The following KCNIP4 variants were observed in gnomAD, a reference collection of about 807,000 sequenced individuals.
The protein encoded by KCNIP4 is potassium voltage-gated channel interacting protein 4, also known as Kv channel-interacting protein 4.
In KCNIP4, 12 loss-of-function variants were observed where a neutral mutation model predicts 34.0. The ratio of observed to expected loss-of-function variants is 0.35; its 90% CI spans 0.23 to 0.57. KCNIP4 has a LOEUF of 0.57. KCNIP4 is among the 20% of genes least tolerant of loss of function. The probability of loss-of-function intolerance (pLI) is 0.83; values close to 1 mark genes in which losing one functional copy is unlikely to be tolerated. For missense variants in KCNIP4, 238 were observed against 311.7 expected (o/e 0.76, Z 1.78); for synonymous variants, 124 against 102.2 (o/e 1.21, Z -1.29).
chr4:21,076,125 C>G (rs1054785166), intron 1 of KCNIP4, among the ~76,000 whole-genome samples: 5 of 152,076 alleles, frequency 3.3e-5, no homozygotes, highest in African/African-American at 1.2e-4. Context: ...CTTGGAGTTG[C>G]TCTTCTCGAG....
chr4:20,850,418 G>T (rs542421418), intron 3 of KCNIP4, 125 bp downstream of exon 3: 452 of 979,914 alleles, frequency 4.6e-4, no homozygotes, highest in Non-Finnish European at 4.9e-4. Context: ...TATCTGGGAA[G>T]GATCAGTATG....
intron 1 of KCNIP4, among the ~76,000 whole-genome samples, chr4:21,204,152 A>AT (rs1231865842): frequency 6.8e-6 from 1 of 148,036 alleles, no homozygotes; most frequent in Non-Finnish European, 1.5e-5. Flanking sequence ...ATATACTTCT[A>AT]TTTTGTATTT....
intron 1 of KCNIP4, among the ~76,000 whole-genome samples, chr4:21,639,667 T>TA (rs1295318963): frequency 6.6e-6 from 1 of 152,178 alleles, no homozygotes; most frequent in Non-Finnish European, 1.5e-5. Context: ...TGAAAACTTT[T>TA]AAAAATATTG....
intron 1 of KCNIP4, among the ~76,000 whole-genome samples, chr4:21,105,781 A>G (rs1447481676): frequency 6.6e-6 from 1 of 151,474 alleles, no homozygotes; most frequent in East Asian, 1.9e-4. Context: ...TCAATACCTA[A>G]TTTATTGAGA....
At position 20,774,115 on chromosome 4, in the gene KCNIP4, A is replaced by C. The variant is rs1243783585; in HGVS notation, c.289-15225T>G. Among the ~76,000 whole-genome samples, 2 of 152,338 alleles carry C rather than the reference A, an allele frequency of 1.3e-5. 1 individual carries two copies. Among genetic ancestry groups the C allele is most frequent in the East Asian group, 3.9e-4 (2 of 5,182 alleles). ...TATGAGGCTTAAATAAAGATAACCC[A>C]TGCACAATGTCTAGCGTCGTGCCTG... On this transcript the variant is annotated intron_variant, in intron 3 of 8. Coordinates refer to ENST00000382152, the MANE Select transcript of KCNIP4 (RefSeq NM_025221.6).
At chr4:21,559,811 C>T (rs913109868) in intron 1 of KCNIP4, among the ~76,000 whole-genome samples, 2 of 152,098 alleles carry the variant, frequency 1.3e-5, no homozygotes, top group Non-Finnish European at 2.9e-5. Flanking sequence ...GGAACTAAAA[C>T]TCAGGGCTTA....
At chr4:20,877,671 G>A (rs542435678) in intron 2 of KCNIP4, among the ~76,000 whole-genome samples, 16 of 152,212 alleles carry the variant, frequency 1.1e-4, no homozygotes, top group African/African-American at 3.9e-4. Context: ...AAACCATGTA[G>A]TCCAACTGGC....
intron 1 of KCNIP4, among the ~76,000 whole-genome samples, chr4:21,018,217 T>C (rs1739725733): frequency 6.6e-6 from 1 of 152,180 alleles, no homozygotes; most frequent in Non-Finnish European, 1.5e-5. Flanking sequence ...TTTGTTGTCA[T>C]CGTTTTATGT....
At chr4:20,974,394 A>G (rs1560614075) in intron 1 of KCNIP4, among the ~76,000 whole-genome samples, 1 of 152,134 alleles carries the variant, frequency 6.6e-6, no homozygotes, top group Admixed American at 6.5e-5. Flanking sequence ...TTAGAAAGAA[A>G]GGGTGGTATA....
chr4:21,248,831 A>G (rs933899949), intron 1 of KCNIP4, among the ~76,000 whole-genome samples: 1 of 152,154 alleles, frequency 6.6e-6, no homozygotes, highest in African/African-American at 2.4e-5. Context: ...ACTGAGACTC[A>G]CAGAGGTTAG....
intron 1 of KCNIP4, among the ~76,000 whole-genome samples, chr4:21,614,599 A>T (rs950731729): frequency 1.0e-4 from 15 of 148,624 alleles, no homozygotes; most frequent in African/African-American, 3.7e-4. Context: ...ATTACATTAA[A>T]ATTATATTAA....
chr4:21,693,072 T>A (rs992549101), intron 1 of KCNIP4, among the ~76,000 whole-genome samples: 1 of 151,976 alleles, frequency 6.6e-6, no homozygotes, highest in Non-Finnish European at 1.5e-5. Flanking sequence ...AAACAAACTT[T>A]GTTCAAGTCT....
chr4:21,888,503 A>G (rs992909277), intron 1 of KCNIP4, among the ~76,000 whole-genome samples: 10 of 152,138 alleles, frequency 6.6e-5, no homozygotes, highest in African/African-American at 2.2e-4. Flanking sequence ...GAACACAAGA[A>G]GATAAAAGGA....
Position 21,140,181 on chromosome 4 carries a change from C to T in KCNIP4, c.62-257472G>A, listed in dbSNP as rs142733131. Among the ~76,000 whole-genome samples, 466 of 152,206 alleles carry T rather than the reference C, an allele frequency of 3.1e-3. 2 individuals carry two copies. The highest frequency in any genetic ancestry group is 0.011 in the African/African-American group (443 of 41,552). ...TACAGTATAGATTGCCGTCAGGCTG[C>T]TTGGCTTTGAATCCATGTTTTGCTG... On this transcript the variant is annotated intron_variant, in intron 1 of 8. Transcript: ENST00000382152.
At chr4:21,292,574 C>T (rs1004911368) in intron 1 of KCNIP4, among the ~76,000 whole-genome samples, 4 of 152,078 alleles carry the variant, frequency 2.6e-5, no homozygotes, top group Non-Finnish European at 4.4e-5. Context: ...CAGCACTGCC[C>T]GGCAATCTTC....
At chr4:21,522,533 T>C (rs1271800005) in intron 1 of KCNIP4, among the ~76,000 whole-genome samples, 1 of 152,026 alleles carries the variant, frequency 6.6e-6, no homozygotes, top group Admixed American at 6.6e-5. Context: ...GCTTACAGTA[T>C]ATTCTTTATG....
intron 3 of KCNIP4, among the ~76,000 whole-genome samples, chr4:20,824,420 G>A (rs566301805): frequency 1.3e-5 from 2 of 152,174 alleles, no homozygotes; most frequent in African/African-American, 4.8e-5. Flanking sequence ...GGTAGCTCAT[G>A]CCTGTAATCC....
intron 1 of KCNIP4, among the ~76,000 whole-genome samples, chr4:20,891,583 G>A (rs562014934): frequency 5.7e-4 from 87 of 152,174 alleles, no homozygotes; most frequent in Admixed American, 5.1e-3. Flanking sequence ...CTAGCCTGGA[G>A]ACAGAGTGAG....
intron 1 of KCNIP4, among the ~76,000 whole-genome samples, chr4:21,931,212 G>A (rs1729544601): frequency 6.7e-6 from 1 of 150,100 alleles, no homozygotes. Context: ...CCTACAATAG[G>A]AGCTTTAAAT....
Sources: allele counts gnomAD v4.1 joint callset (sites outside exome capture counted in the v4.1 genomes callset), GRCh38; gene constraint gnomAD v4.1.1; transcripts MANE v1.5; gene names NCBI Gene and HGNC (gene_info 2026-07-23, HGNC 2026-07-21).